FYN: variants seen among roughly 807,000 people sequenced by gnomAD.
FYN encodes the protein tyrosine-protein kinase Fyn.
A neutral mutation model predicts 70.2 loss-of-function variants in FYN; 10 were observed. The observed-to-expected ratio is 0.14, with a 90% CI of 0.09 to 0.24. The LOEUF (loss-of-function observed/expected upper bound fraction) is 0.24. Among genes scored for constraint, FYN ranks in the 10% least tolerant of loss-of-function variants. The pLI is 1.00. For synonymous variants in FYN, 236 were observed against 248.6 expected, an observed-to-expected ratio of 0.95 and a Z score of 0.48; for missense variants, 319 against 673.1, an observed-to-expected ratio of 0.47 and a Z score of 5.82.
At position 111,694,424 on chromosome 6, in the gene FYN, G is replaced by A; in HGVS notation, c.1224C>T (p.Asp408=). The A allele has an allele frequency of 6.2e-7, 1 of 1,614,206 alleles. No individual in the cohort carries two copies. The change falls in exon 12 of 14, where the codon GAC becomes GAT. Residue 408 remains aspartate (D), a synonymous_variant. Coordinates refer to ENST00000354650, the MANE Select transcript of FYN (RefSeq NM_002037.5). The surrounding 1 kb of genome is among the most constrained non-coding windows in gnomAD (Gnocchi z 5.0). ...VGNGLICKIA[D]FGLARLIEDN... ...CTTCTATCAATCGGGCCAATCCGAA[G>A]TCAGCAATCTTGCATATGAGTCCAT...
intron 2 of FYN, among the ~76,000 whole-genome samples, chr6:111,783,743 A>G (rs1771260764): frequency 6.6e-6 from 1 of 152,296 alleles, no homozygotes; most frequent in South Asian, 2.1e-4. Flanking sequence ...GAGCCCCCAT[A>G]TTTCTGCACC....
At chr6:111,687,965 C>T (rs1379893071) in intron 12 of FYN, among the ~76,000 whole-genome samples, 1 of 152,052 alleles carries the variant, frequency 6.6e-6, no homozygotes, top group East Asian at 1.9e-4. Context: ...CAGGCCCTGC[C>T]CTCTTTGGGA....
intron 3 of FYN, among the ~76,000 whole-genome samples, chr6:111,745,854 C>T (rs1438609288): frequency 6.6e-6 from 1 of 152,224 alleles, no homozygotes; most frequent in Non-Finnish European, 1.5e-5. Flanking sequence ...GGAGTGAATA[C>T]ACTTATACCT....
chr6:111,756,694 A>C (rs1802751845), intron 3 of FYN, among the ~76,000 whole-genome samples: 2 of 152,224 alleles, frequency 1.3e-5, no homozygotes, highest in Admixed American at 6.5e-5. Context: ...TTCCTGTACT[A>C]TCCGATTAAA....
At chr6:111,772,108 G>T (rs562179029) in intron 3 of FYN, among the ~76,000 whole-genome samples, 2 of 152,270 alleles carry the variant, frequency 1.3e-5, no homozygotes, top group African/African-American at 4.8e-5. Context: ...AGTGAAAAAT[G>T]TTCTACACAT....
intron 3 of FYN, among the ~76,000 whole-genome samples, chr6:111,740,113 T>C (rs1009420329): frequency 6.6e-6 from 1 of 152,116 alleles, no homozygotes; most frequent in Non-Finnish European, 1.5e-5. Flanking sequence ...TTGGCCCCTA[T>C]CTAGTAAAAG....
intron 3 of FYN, among the ~76,000 whole-genome samples, chr6:111,729,828 A>T (rs76267078): frequency 7.3e-4 from 111 of 152,342 alleles, no homozygotes; most frequent in African/African-American, 2.6e-3. Flanking sequence ...TGTGCAGATG[A>T]TAACACTATG....
intron 8 of FYN, among the ~76,000 whole-genome samples, chr6:111,700,489 G>C (rs916944341): frequency 3.3e-5 from 5 of 152,154 alleles, no homozygotes; most frequent in Non-Finnish European, 7.3e-5. Context: ...AAGATCAGAC[G>C]CCACACACGG....
At chr6:111,845,250 C>T (rs1347503783) in intron 2 of FYN, among the ~76,000 whole-genome samples, 1 of 152,252 alleles carries the variant, frequency 6.6e-6, no homozygotes, top group Non-Finnish European at 1.5e-5. Context: ...CCCATAGGCT[C>T]TTGCCTGCTG....
At chr6:111,772,815 T>C (rs1803501847) in intron 3 of FYN, among the ~76,000 whole-genome samples, 1 of 149,310 alleles carries the variant, frequency 6.7e-6, no homozygotes, top group Non-Finnish European at 1.5e-5. Context: ...ATCAACCAAA[T>C]TCATCAAGTG....
intron 8 of FYN, among the ~76,000 whole-genome samples, chr6:111,701,446 T>A (rs909497916): frequency 1.3e-5 from 2 of 152,162 alleles, no homozygotes; most frequent in Admixed American, 1.3e-4. Context: ...GGCTCTGAGA[T>A]GTTTAGGTAG....
chr6:111,868,107 T>C (rs1583506242), intron 1 of FYN, among the ~76,000 whole-genome samples: 1 of 152,052 alleles, frequency 6.6e-6, no homozygotes, highest in South Asian at 2.1e-4. Context: ...CCTTCTCTGC[T>C]TGGCTATCCC....
intron 3 of FYN, among the ~76,000 whole-genome samples, chr6:111,775,142 T>C (rs11963612): frequency 0.43 from 65,781 of 152,076 alleles, 14,589 homozygotes; most frequent in East Asian, 0.7. Context: ...GTGGGAACTA[T>C]TACAGTCTTA....
Position 111,694,611 on chromosome 6 carries a change from T to C in FYN, c.1119+17A>G. 6.2e-7 allele frequency: 1 copy of C among 1,613,866 alleles called. No individual in the cohort carries two copies. The highest frequency in any genetic ancestry group is 8.5e-7 in the Non-Finnish European group (1 of 1,179,822). ...TCATTAAATCTATGGCACATCAAGT[T>C]ACCCTGCAGGGCCTACCTGTGCTGC... On this transcript the variant is annotated intron_variant, in intron 11 of 13. Transcript: ENST00000354650. The surrounding 1 kb of genome is among the most constrained non-coding windows in gnomAD (Gnocchi z 5.0).
At chr6:111,697,114 T>C (rs1452210363) in intron 9 of FYN, among the ~76,000 whole-genome samples, 1 of 152,066 alleles carries the variant, frequency 6.6e-6, no homozygotes, top group Non-Finnish European at 1.5e-5. Flanking sequence ...GTCAGGTAGG[T>C]AGACAGGGGA....
intron 2 of FYN, among the ~76,000 whole-genome samples, chr6:111,801,816 T>G (rs909650531): frequency 2.6e-5 from 4 of 152,194 alleles, no homozygotes; most frequent in Admixed American, 2.6e-4. Context: ...GTGAGCATTC[T>G]TTGAGAAAAT....
chr6:111,817,964 C>G (rs757287566), intron 2 of FYN, among the ~76,000 whole-genome samples: 36 of 152,196 alleles, frequency 2.4e-4, no homozygotes, highest in Admixed American at 2.2e-3. Flanking sequence ...TCAGGGCCAA[C>G]AAATGCTCCA....
At chr6:111,677,931 C>T (rs1291355328) in intron 12 of FYN, among the ~76,000 whole-genome samples, 1 of 152,140 alleles carries the variant, frequency 6.6e-6, no homozygotes, top group African/African-American at 2.4e-5. Context: ...ACAGAGCAAA[C>T]TATGCAGGTA....
intron 2 of FYN, chr6:111,819,889 A>G (rs1342460807): frequency 6.6e-6 from 1 of 152,220 alleles, no homozygotes; most frequent in African/African-American, 2.4e-5. Flanking sequence ...GGGTCTGGCG[A>G]TAAGACAGTT....
Sources: allele counts gnomAD v4.1 joint callset (sites outside exome capture counted in the v4.1 genomes callset), GRCh38; gene constraint gnomAD v4.1.1; non-coding constraint Gnocchi (gnomAD v3.1); transcripts MANE v1.5; gene names NCBI Gene and HGNC (gene_info 2026-07-23, HGNC 2026-07-21).